ATP2A2: variants seen among roughly 807,000 people sequenced by gnomAD.
The protein encoded by ATP2A2 is ATPase sarcoplasmic/endoplasmic reticulum Ca2+ transporting 2.
Under a neutral mutation model 109.3 loss-of-function variants are expected in ATP2A2, and 14 were observed. That is an observed-to-expected ratio of 0.13 (90% CI 0.08 to 0.20). The LOEUF is 0.20. ATP2A2 is among the 10% of genes least tolerant of loss of function. The pLI, the probability that ATP2A2 is intolerant of heterozygous loss-of-function variation, is 1.00. For missense variants in ATP2A2, 657 were observed against 1,321.6 expected (o/e 0.50, Z 7.80); for synonymous variants, 506 against 490.9 (o/e 1.03, Z -0.41).
chr12:110,330,298 C>T (rs1337948916), intron 8 of ATP2A2: 2 of 152,140 alleles, frequency 1.3e-5, no homozygotes, highest in African/African-American at 2.4e-5. Flanking sequence ...TTGTGAAGTC[C>T]AAACCCACAT....
chr12:110,320,428 G>C lies in ATP2A2; in HGVS notation c.464-2564G>C, dbSNP rs371863656. On this transcript the variant is annotated intron_variant, in intron 5 of 19. Coordinates refer to ENST00000539276, the MANE Select transcript of ATP2A2 (RefSeq NM_170665.4). ...ATCCTCAGACACCAAAGGAACATTTGGAAATAAATTTTCCATTTAGGGTCA... is the reference window on the plus strand; with the variant it reads ...ATCCTCAGACACCAAAGGAACATTTCGAAATAAATTTTCCATTTAGGGTCA... Among the ~76,000 whole-genome samples the C allele has an allele frequency of 5.0e-4, 76 of 152,194 alleles. No homozygotes were observed. The South Asian group carries it at 0.016, about 32-fold the overall frequency.
Position 110,348,272 on chromosome 12 carries a change from C to T in ATP2A2, c.*1802C>T, listed in dbSNP as rs367953918. ...GGCCACTTCCCCACTCCCCCACCCCCCCTTGCTTGGTCTTGTCCTTGGTGG... is the reference window on the plus strand; with the variant it reads ...GGCCACTTCCCCACTCCCCCACCCCTCCTTGCTTGGTCTTGTCCTTGGTGG... On this transcript the variant is annotated 3_prime_UTR_variant, in exon 20 of 20. Coordinates refer to ENST00000539276, the MANE Select transcript of ATP2A2 (RefSeq NM_170665.4). The T allele has an allele frequency of 3.0e-6, 3 of 985,326 alleles. No homozygotes were observed. Among genetic ancestry groups the T allele is most frequent in the African/African-American group, 3.5e-5 (2 of 57,214 alleles). The allele number at this position is 985,326 out of a possible 1,614,324, so 61.0% of individuals were successfully genotyped here.
At chr12:110,285,998 A>G (rs1311818476) in intron 3 of ATP2A2, among the ~76,000 whole-genome samples, 1 of 147,588 alleles carries the variant, frequency 6.8e-6, no homozygotes, top group Non-Finnish European at 1.5e-5. Flanking sequence ...ATCTCGGCTC[A>G]CTGCAACCTC....
chr12:110,341,139 A>G (rs1879315187), intron 14 of ATP2A2, 145 bp downstream of exon 14: 1 of 930,752 alleles, frequency 1.1e-6, no homozygotes, highest in Non-Finnish European at 1.6e-6. Context: ...TCGGTGAATC[A>G]GTGGTTAGCA....
At position 110,333,296 on chromosome 12, in the gene ATP2A2, A is replaced by G. The variant is rs371464577; in HGVS notation, c.1287+13A>G. 9.0e-5 allele frequency: 144 copies of G among 1,593,016 alleles called. No homozygotes were observed. In the Middle Eastern group the frequency reaches 4.5e-3, roughly 49 times the overall value. The stretch of plus-strand genomic sequence containing the variant: ...GGATTACAATGAGGTAAGTCTCTTC[A>G]TAAATTAGAAGGAATGGCTGTTCCT... On this transcript the variant is annotated intron_variant, in intron 10 of 19. Transcript: ENST00000539276.
rs750365613 is a variant in ATP2A2 at position 110,281,829 on chromosome 12, G to A, written c.40G>A (p.Gly14Ser). The change falls in exon 1 of 20, where the codon GGC (glycine) becomes AGC (serine). Residue 14 changes from glycine to serine, a missense_variant. Coordinates refer to ENST00000539276, the MANE Select transcript of ATP2A2 (RefSeq NM_170665.4). ...CACCAAGACGGTGGAGGAGGTGCTG[G>A]GCCACTTCGGCGTCAACGAGAGTAC... ...AHTKTVEEVL[G>S]HFGVNESTGL... 1.9e-6 allele frequency: 3 copies of A among 1,560,708 alleles called. No individual in the cohort carries two copies. The highest frequency in any genetic ancestry group is 1.7e-4 in the Middle Eastern group (1 of 5,940).
rs915949108 is a variant in ATP2A2, at chr12:110,350,181, C to G, written c.*3711C>G. The G allele has an allele frequency of 8.1e-6, 13 of 1,605,702 alleles. No individual in the cohort carries two copies. Among genetic ancestry groups the G allele is most frequent in the African/African-American group, 1.3e-5 (1 of 74,658 alleles). On this transcript the variant is annotated 3_prime_UTR_variant, in exon 20 of 20. Transcript: ENST00000539276. ...GTCTTGAAACCTTGAAAAGATCAAG[C>G]TGAATGTTCCTTTTCATCTGTCGCT...
rs767885880 is a variant in ATP2A2 at position 110,340,716 on chromosome 12, GCCT to G, written c.1825_1827del (p.Ser609del). On this transcript the variant is annotated inframe_deletion, in exon 14 of 20. Transcript: ENST00000539276. This position sits in a 1 kb window ranked among gnomAD's most constrained non-coding sequence, Gnocchi z 6.0. ...GCTGGATCCTCCGAGAATCGAGGTG[GCCT>G]CCTCCGTGAAGCTGTGCCGGCAAGC... 1 of 1,614,100 alleles carries G rather than the reference GCCT, an allele frequency of 6.2e-7. No individual in the cohort carries two copies. The highest frequency in any genetic ancestry group is 8.5e-7 in the Non-Finnish European group (1 of 1,180,002).
chr12:110,323,457 T>C (rs576962255), intron 6 of ATP2A2, among the ~76,000 whole-genome samples: 1 of 152,204 alleles, frequency 6.6e-6, no homozygotes, highest in Admixed American at 6.5e-5. Context: ...AGTGCTGGGA[T>C]TACAGGCGTG....
intron 3 of ATP2A2, among the ~76,000 whole-genome samples, chr12:110,286,764 G>C (rs1420401471): frequency 6.6e-6 from 1 of 150,658 alleles, no homozygotes; most frequent in Non-Finnish European, 1.5e-5. Flanking sequence ...AGGGCCCAAA[G>C]GCACAGTGCA....
chr12:110,306,790 C>T (rs910084086), intron 5 of ATP2A2, among the ~76,000 whole-genome samples: 3 of 151,744 alleles, frequency 2.0e-5, no homozygotes, highest in African/African-American at 4.8e-5. Flanking sequence ...TGCAGTGGTG[C>T]GATTTTGGCT....
rs1262782622 is a variant in ATP2A2 at position 110,346,450 on chromosome 12, A to G, written c.3109A>G (p.Ser1037Gly). 1.2e-6 allele frequency: 2 copies of G among 1,614,242 alleles called. No homozygotes were observed. The highest frequency in any genetic ancestry group is 1.7e-6 in the Non-Finnish European group (2 of 1,180,042). ...GGTCTATAGCACAGACACTAACTTT[A>G]GCGATATGTTCTGGTCTTGACTGAC... Reference protein sequence around the residue: ...IWVYSTDTNFSDMFWS With the variant: ...IWVYSTDTNFGDMFWS The change falls in exon 20 of 20, where the codon AGC (serine) becomes GGC (glycine). Residue 1037 changes from serine (S) to glycine (G), a missense_variant. Around this residue, in one of 9 missense-constraint regions of ATP2A2, gnomAD observed 53 missense variants for 61.2 expected, o/e 0.87. Transcript: ENST00000539276.
chr12:110,311,622 A>AAAAAG (rs1876073126), intron 5 of ATP2A2, among the ~76,000 whole-genome samples: 51 of 141,078 alleles, frequency 3.6e-4, no homozygotes, highest in Non-Finnish European at 6.2e-4. Context: ...AAAAAAAAAA[A>AAAAAG]CGCTGGGATT....
At position 110,340,894 on chromosome 12, in the gene ATP2A2, G is replaced by A. The variant is rs757345986; in HGVS notation, c.1997G>A (p.Arg666Gln). The A allele has an allele frequency of 1.9e-6, 3 of 1,614,198 alleles. No homozygotes were observed. The highest frequency in any genetic ancestry group is 2.5e-6 in the Non-Finnish European group (3 of 1,180,034). ...GATGAACTCAACCCCTCCGCCCAGCGAGACGCCTGCCTGAACGCCCGCTGT... is the reference window on the plus strand; with the variant it reads ...GATGAACTCAACCCCTCCGCCCAGCAAGACGCCTGCCTGAACGCCCGCTGT... ...EFDELNPSAQ[R>Q]DACLNARCFA... The change falls in exon 14 of 20, where the codon CGA becomes CAA. Residue 666 changes from arginine to glutamine, a missense_variant. This residue lies in a region of ATP2A2 where 180 missense variants were observed against 329.1 expected (regional missense o/e 0.55). Transcript: ENST00000539276. This position sits in a 1 kb window ranked among gnomAD's most constrained non-coding sequence, Gnocchi z 6.0.
At chr12:110,345,742 A>G in intron 18 of ATP2A2, 2 of 588,734 alleles carry the variant, frequency 3.4e-6, no homozygotes, top group South Asian at 2.0e-5. Context: ...AAATAGCCCA[A>G]GTCTCCAGGG....
chr12:110,294,578 G>A (rs1200249553), intron 4 of ATP2A2, among the ~76,000 whole-genome samples: 4 of 152,018 alleles, frequency 2.6e-5, no homozygotes, highest in African/African-American at 9.7e-5. Context: ...GAACCTAGGG[G>A]GCGGAGTTTG....
rs1050167612 is a variant in ATP2A2, at chr12:110,347,419, TC to T, written c.*950del. 5.4e-6 allele frequency: 7 copies of T among 1,289,008 alleles called. No individual in the cohort carries two copies. The African/African-American group carries it at 7.6e-5, about 14-fold the overall frequency. The allele number at this position is 1,289,008 out of a possible 1,614,324, so 79.8% of individuals were successfully genotyped here. A position where few individuals can be genotyped will look rare whatever the true frequency, so the allele number is the denominator to read the frequency against. ...TCTTAGCTCAGAACTTTAGTTGTAC[TC>T]TGCTTGAGGGGAAGAAGGCTCCTGC... On this transcript the variant is annotated 3_prime_UTR_variant, in exon 20 of 20. Transcript: ENST00000539276.
At position 110,349,822 on chromosome 12, in the gene ATP2A2, G is replaced by GAGAA. The variant is rs1880234653; in HGVS notation, c.*3353_*3356dup. 1 of 1,041,404 alleles carries GAGAA rather than the reference G, an allele frequency of 9.6e-7. No individual in the cohort carries two copies. Among genetic ancestry groups the GAGAA allele is most frequent in the African/African-American group, 1.7e-5 (1 of 59,466 alleles). 64.5% of individuals were successfully genotyped at this position (1,041,404 alleles called of 1,614,324 possible). On this transcript the variant is annotated 3_prime_UTR_variant, in exon 20 of 20. Coordinates refer to ENST00000539276, the MANE Select transcript of ATP2A2 (RefSeq NM_170665.4). ...GTAGGCTTCACCCTCCTTTACTGAGGAGAATGATGCGGAGGAGTTTCCTCT... is the reference window on the plus strand; with the variant it reads ...GTAGGCTTCACCCTCCTTTACTGAGGAGAAAGAATGATGCGGAGGAGTTTCCTCT...
intron 4 of ATP2A2, among the ~76,000 whole-genome samples, chr12:110,293,871 T>TATATATATATATATATATATA (rs1491495436): frequency 1.3e-4 from 10 of 79,496 alleles, no homozygotes; most frequent in Admixed American, 2.4e-4. Context: ...TGTGTATATA[T>TATATATATATATATATATATA]TTTTTTTTTT....
Sources: allele counts gnomAD v4.1 joint callset (sites outside exome capture counted in the v4.1 genomes callset), GRCh38; gene constraint gnomAD v4.1.1; regional missense constraint gnomAD v4.1.1; non-coding constraint Gnocchi (gnomAD v3.1); transcripts MANE v1.5; gene names NCBI Gene and HGNC (gene_info 2026-07-23, HGNC 2026-07-21).